The following PPP2R2C variants were observed in gnomAD, a reference collection of about 807,000 sequenced individuals.
The protein encoded by PPP2R2C is protein phosphatase 2 regulatory subunit Bgamma, also known as protein phosphatase 2, regulatory subunit B, gamma.
In PPP2R2C, 10 loss-of-function variants were observed where a neutral mutation model predicts 45.3. The observed-to-expected ratio is 0.22, with a 90% CI of 0.14 to 0.37. The LOEUF (loss-of-function observed/expected upper bound fraction) is 0.37, where lower values mean the gene tolerates loss of function less well. Among genes scored for constraint, PPP2R2C ranks in the 10% least tolerant of loss-of-function variants. The pLI, the probability that PPP2R2C is intolerant of heterozygous loss-of-function variation, is 1.00. For missense variants in PPP2R2C, 308 were observed against 619.7 expected, an observed-to-expected ratio of 0.50 and a Z score of 5.34; for synonymous variants, 257 against 245.4, an observed-to-expected ratio of 1.05 and a Z score of -0.44.
intron 2 of PPP2R2C, among the ~76,000 whole-genome samples, chr4:6,483,521 C>T (rs367926244): frequency 2.0e-5 from 3 of 152,056 alleles, no homozygotes; most frequent in African/African-American, 4.8e-5. Context: ...GCATTACCCC[C>T]GTGACTAATG....
Position 6,382,304 on chromosome 4 carries a change from T to A in PPP2R2C, c.71-1210A>T. Reference sequence around the variant, plus strand: ...CTCTCCTGGCCTGGATTCTGTAGTCTCCAAAATCTGTGATACCACCTTTAG... The same window carrying A: ...CTCTCCTGGCCTGGATTCTGTAGTCACCAAAATCTGTGATACCACCTTTAG... On this transcript the variant is annotated intron_variant, in intron 1 of 8. Coordinates refer to ENST00000382599, the MANE Select transcript of PPP2R2C (RefSeq NM_020416.4). 3 of 1,282,204 alleles carry A rather than the reference T, an allele frequency of 2.3e-6. No homozygotes were observed. In the Admixed American group the frequency reaches 7.0e-5, roughly 30 times the overall value. The allele number at this position is 1,282,204 out of a possible 1,614,324, so 79.4% of individuals were successfully genotyped here.
chr4:6,490,000 G>A (rs1353737837), intron 2 of PPP2R2C, among the ~76,000 whole-genome samples: 4 of 152,150 alleles, frequency 2.6e-5, no homozygotes, highest in South Asian at 2.1e-4. Flanking sequence ...AAGCATGATC[G>A]AGCAGTTTGG....
chr4:6,453,961 C>T (rs1406860115), intron 1 of PPP2R2C, among the ~76,000 whole-genome samples: 2 of 152,228 alleles, frequency 1.3e-5, no homozygotes, highest in Non-Finnish European at 2.9e-5. Flanking sequence ...GGCCACCGGT[C>T]TGCCTCACAT....
chr4:6,541,457 C>T (rs905214020), intron 1 of PPP2R2C, among the ~76,000 whole-genome samples: 6 of 152,144 alleles, frequency 3.9e-5, no homozygotes, highest in African/African-American at 7.2e-5. Flanking sequence ...CACACAGGAG[C>T]GCTGGAGCAG....
chr4:6,437,278 C>G lies in PPP2R2C; in HGVS notation c.70+34882G>C, dbSNP rs559919728. Among the ~76,000 whole-genome samples, 96 of 152,340 alleles carry G rather than the reference C, an allele frequency of 6.3e-4. 1 individual carries two copies. The Middle Eastern group carries it at 0.021, about 33-fold the overall frequency. ...ATCTTGCTCCATTTCTTCAACAAAGCTTGGTAAAGGGCTAGGCTGAACACA... is the reference window on the plus strand; with the variant it reads ...ATCTTGCTCCATTTCTTCAACAAAGGTTGGTAAAGGGCTAGGCTGAACACA... On this transcript the variant is annotated intron_variant, in intron 1 of 8. Transcript: ENST00000382599.
chr4:6,511,522 GTGATGGTGGTGGTGGTGGTGGTGA>G (rs1560593820), intron 2 of PPP2R2C, among the ~76,000 whole-genome samples: 321 of 12,896 alleles, frequency 0.025, 23 homozygotes, highest in Non-Finnish European at 0.041. Context: ...GGTGGTGGTG[GTGATGGTGGTGGTGGTGGTGGTGA>G]TGGTGGTGGT....
intron 3 of PPP2R2C, among the ~76,000 whole-genome samples, chr4:6,376,863 C>T (rs1715347560): frequency 6.6e-6 from 1 of 152,342 alleles, no homozygotes; most frequent in Admixed American, 6.5e-5. Flanking sequence ...TCTGCTGGCT[C>T]AGGTGACAGA....
intron 1 of PPP2R2C, among the ~76,000 whole-genome samples, chr4:6,559,397 A>G (rs759818753): frequency 1.6e-3 from 75 of 46,128 alleles, no homozygotes; most frequent in Non-Finnish European, 3.1e-3. Context: ...AATACACAGC[A>G]CACACACACA....
rs1289393170 is a variant in PPP2R2C, at chr4:6,345,894, A to T, written c.790+1952T>A. Among the ~76,000 whole-genome samples the T allele has an allele frequency of 1.3e-5, 2 of 152,130 alleles. No individual in the cohort carries two copies. The highest frequency in any genetic ancestry group is 4.8e-5 in the African/African-American group (2 of 41,428). Reference sequence around the variant, plus strand: ...TCCACACTTATCTCCAGGTGGCATTACTGCCTGGATATCTGGCTGCCTACT... The same window carrying T: ...TCCACACTTATCTCCAGGTGGCATTTCTGCCTGGATATCTGGCTGCCTACT... On this transcript the variant is annotated intron_variant, in intron 6 of 8. Coordinates refer to ENST00000382599, the MANE Select transcript of PPP2R2C (RefSeq NM_020416.4). This position sits in a 1 kb window ranked among gnomAD's most constrained non-coding sequence, Gnocchi z 5.3.
At chr4:6,441,577 G>T in intron 1 of PPP2R2C, among the ~76,000 whole-genome samples, 1 of 152,192 alleles carries the variant, frequency 6.6e-6, no homozygotes, top group Non-Finnish European at 1.5e-5. Flanking sequence ...CCTGGCGGAT[G>T]GTTCCAGCAT....
chr4:6,452,749 A>G (rs1313529893), intron 1 of PPP2R2C, among the ~76,000 whole-genome samples: 1 of 152,240 alleles, frequency 6.6e-6, no homozygotes, highest in Non-Finnish European at 1.5e-5. Context: ...TGGGGCTCAC[A>G]GGGTGAGACC....
intron 5 of PPP2R2C, among the ~76,000 whole-genome samples, chr4:6,370,329 G>C (rs1392328931): frequency 6.6e-6 from 1 of 152,238 alleles, no homozygotes; most frequent in Non-Finnish European, 1.5e-5. Context: ...GTGAGACAAC[G>C]AACGGCAGGC....
intron 8 of PPP2R2C, among the ~76,000 whole-genome samples, chr4:6,325,916 T>C (rs2109150720): frequency 6.6e-6 from 1 of 152,208 alleles, no homozygotes; most frequent in East Asian, 1.9e-4. Context: ...CCGTGGCGCC[T>C]GTAATCCCAG....
chr4:6,359,025 A>G (rs558341375), intron 5 of PPP2R2C, among the ~76,000 whole-genome samples: 31 of 152,328 alleles, frequency 2.0e-4, no homozygotes, highest in African/African-American at 7.5e-4. Context: ...AAATCATGCT[A>G]CTATAAAGAC....
At chr4:6,526,269 A>G (rs1724207150) in intron 2 of PPP2R2C, among the ~76,000 whole-genome samples, 1 of 152,228 alleles carries the variant, frequency 6.6e-6, no homozygotes, top group Non-Finnish European at 1.5e-5. Flanking sequence ...TAACCCGTTC[A>G]TCATAAATTC....
intron 1 of PPP2R2C, among the ~76,000 whole-genome samples, chr4:6,392,818 G>A (rs551701421): frequency 5.9e-5 from 9 of 152,174 alleles, no homozygotes; most frequent in African/African-American, 1.2e-4. Context: ...AGGGGTGGGC[G>A]TGGACCCTTC....
In PPP2R2C at chr4:6,372,344, C is replaced by T. The variant is rs527822612; in HGVS notation, c.625+179G>A. On this transcript the variant is annotated intron_variant, in intron 5 of 8. Coordinates refer to ENST00000382599, the MANE Select transcript of PPP2R2C (RefSeq NM_020416.4). The stretch of plus-strand genomic sequence containing the variant: ...CGACTTTGCGGTTTTCAGAAACAGA[C>T]GTGACATGATTTTGTATCTGGGCCT... Among the ~76,000 whole-genome samples the T allele has an allele frequency of 3.9e-5, 6 of 152,332 alleles. No homozygotes were observed. In the South Asian group the frequency reaches 8.3e-4, roughly 21 times the overall value.
intron 2 of PPP2R2C, among the ~76,000 whole-genome samples, chr4:6,525,171 G>C (rs759491401): frequency 9.9e-5 from 15 of 152,162 alleles, no homozygotes; most frequent in Non-Finnish European, 2.2e-4. Flanking sequence ...TTGGGAGGCC[G>C]AGATGGTTGG....
At chr4:6,518,443 A>C (rs1245557529) in intron 2 of PPP2R2C, among the ~76,000 whole-genome samples, 1 of 152,232 alleles carries the variant, frequency 6.6e-6, no homozygotes, top group Non-Finnish European at 1.5e-5. Context: ...ACAACTGTTA[A>C]TACTAGAAAT....
Sources: gnomAD v4.1 joint callset for allele counts (sites outside exome capture counted in the v4.1 genomes callset) on GRCh38, gnomAD v4.1.1 for gene constraint, Gnocchi (gnomAD v3.1) non-coding constraint, MANE v1.5 for transcripts, NCBI Gene and HGNC (gene_info 2026-07-23, HGNC 2026-07-21) for gene names.